AP3B1: variants seen among roughly 807,000 people sequenced by gnomAD.
AP3B1 encodes the protein AP-3 complex subunit beta-1.
A neutral mutation model predicts 132.5 loss-of-function variants in AP3B1; 61 were observed. The observed-to-expected ratio is 0.46, with a 90% confidence interval of 0.37 to 0.57. The LOEUF (loss-of-function observed/expected upper bound fraction) is 0.57. Among genes scored for constraint, AP3B1 ranks in the 20% least tolerant of loss-of-function variants. The pLI is 0.00. For synonymous variants in AP3B1, 388 were observed against 438.3 expected, an observed-to-expected ratio of 0.89 and a Z score of 1.43; for missense variants, 1,120 against 1,289.4, an observed-to-expected ratio of 0.87 and a Z score of 2.01.
At chr5:78,117,423 C>A (rs1412233880) in intron 17 of AP3B1, among the ~76,000 whole-genome samples, 2 of 151,640 alleles carry the variant, frequency 1.3e-5, no homozygotes, top group Non-Finnish European at 2.9e-5. Flanking sequence ...GATTGTCCTG[C>A]CTCATCCTCC....
chr5:78,140,464 A>G (rs1183176700), intron 15 of AP3B1, among the ~76,000 whole-genome samples: 2 of 152,196 alleles, frequency 1.3e-5, no homozygotes, highest in African/African-American at 2.4e-5. Context: ...AGGTACCCAC[A>G]GTTCTGGTGT....
At chr5:78,004,577 T>C (rs1259914899) in intron 26 of AP3B1, among the ~76,000 whole-genome samples, 1 of 152,226 alleles carries the variant, frequency 6.6e-6, no homozygotes, top group African/African-American at 2.4e-5. Flanking sequence ...TGAACTAGGT[T>C]GTCCAACAAT....
At chr5:78,119,334 G>A (rs1472214485) in intron 17 of AP3B1, among the ~76,000 whole-genome samples, 2 of 152,202 alleles carry the variant, frequency 1.3e-5, no homozygotes, top group African/African-American at 2.4e-5. Context: ...AACAAAGCTG[G>A]ACGGAGAATG....
intron 22 of AP3B1, among the ~76,000 whole-genome samples, chr5:78,084,630 A>G (rs565595570): frequency 1.3e-5 from 2 of 151,840 alleles, no homozygotes; most frequent in Admixed American, 1.3e-4. Flanking sequence ...TCATTCATAT[A>G]TGTGCTTTCC....
chr5:78,201,159 T>C (rs1745274072), intron 7 of AP3B1, among the ~76,000 whole-genome samples: 1 of 152,128 alleles, frequency 6.6e-6, no homozygotes, highest in African/African-American at 2.4e-5. Context: ...TAAATTTCTG[T>C]TGTTTAAGCC....
chr5:78,185,510 G>C (rs564382926), intron 7 of AP3B1, among the ~76,000 whole-genome samples: 1 of 152,156 alleles, frequency 6.6e-6, no homozygotes, highest in Non-Finnish European at 1.5e-5. Flanking sequence ...GACATCAGTA[G>C]ACTGTGATGG....
intron 21 of AP3B1, among the ~76,000 whole-genome samples, chr5:78,097,618 C>G (rs1345859420): frequency 1.4e-5 from 2 of 145,608 alleles, no homozygotes; most frequent in Non-Finnish European, 3.1e-5. Context: ...GGGGGTCAGC[C>G]CCCTGCCCGG....
downstream of AP3B1, chr5:78,001,421 C>CATTG (rs1321790478): frequency 2.0e-5 from 3 of 152,218 alleles, no homozygotes; most frequent in African/African-American, 7.2e-5. Context: ...GGCTTCCATA[C>CATTG]ATTGGTACAG....
At chr5:78,135,354 T>C (rs74556672) in intron 15 of AP3B1, among the ~76,000 whole-genome samples, 4,671 of 152,260 alleles carry the variant, frequency 0.031, 140 homozygotes, top group East Asian at 0.14. Flanking sequence ...GTAGAATATC[T>C]ACTTATGTAA....
At chr5:78,039,995 G>C (rs967517792) in intron 22 of AP3B1, among the ~76,000 whole-genome samples, 1 of 151,212 alleles carries the variant, frequency 6.6e-6, no homozygotes, top group African/African-American at 2.4e-5. Flanking sequence ...ATTTTCTTGG[G>C]TGTTTTAGCC....
intron 2 of AP3B1, among the ~76,000 whole-genome samples, chr5:78,242,232 C>G (rs1747167239): frequency 6.6e-6 from 1 of 152,134 alleles, no homozygotes; most frequent in Admixed American, 6.6e-5. Context: ...ATTAAAATGA[C>G]CTTACTCACT....
chr5:78,092,290 T>A (rs945632747), intron 21 of AP3B1, among the ~76,000 whole-genome samples: 3 of 152,184 alleles, frequency 2.0e-5, no homozygotes, highest in Non-Finnish European at 4.4e-5. Context: ...TGCTGTTTTT[T>A]AAAAAAGGAT....
In AP3B1 at chr5:78,208,709, CACA is replaced by C. The variant is rs1745612959; in HGVS notation, c.786+7343_786+7345del. On this transcript the variant is annotated intron_variant, in intron 7 of 26. Coordinates refer to ENST00000255194, the MANE Select transcript of AP3B1 (RefSeq NM_003664.5). ...CTGACATTGGGTAGACAAGAAGTAT[CACA>C]ACAACTGCACATAAAATAATATTTG... Among the ~76,000 whole-genome samples the C allele has an allele frequency of 3.9e-5, 6 of 152,162 alleles. No homozygotes were observed. In the South Asian group the frequency reaches 8.3e-4, roughly 21 times the overall value.
chr5:78,086,883 T>A lies in AP3B1; in HGVS notation c.2577+2510A>T, dbSNP rs78146097. On this transcript the variant is annotated intron_variant, in intron 22 of 26. Coordinates refer to ENST00000255194, the MANE Select transcript of AP3B1 (RefSeq NM_003664.5). ...TGGCAAGATTTTAACAGGCTCAATT[T>A]TCCAGGGATGCAAGTACTTTGGTGC... Among the ~76,000 whole-genome samples, 1,057 of 152,294 alleles carry A rather than the reference T, an allele frequency of 6.9e-3. 10 individuals are homozygous for A. Among genetic ancestry groups the A allele is most frequent in the African/African-American group, 0.024 (1,013 of 41,546 alleles).
chr5:78,049,233 T>A (rs1256995367), intron 22 of AP3B1, among the ~76,000 whole-genome samples: 1 of 152,180 alleles, frequency 6.6e-6, no homozygotes, highest in Non-Finnish European at 1.5e-5. Context: ...TCTGACCCTA[T>A]GTCTCCCTTG....
intron 7 of AP3B1, among the ~76,000 whole-genome samples, chr5:78,196,960 A>G (rs1038545795): frequency 3.9e-5 from 6 of 152,190 alleles, no homozygotes; most frequent in Admixed American, 2.0e-4. Context: ...ATGTTATCAT[A>G]TATCAGACAA....
At chr5:78,279,860 GGACTTAAATATATATATATAT>G (rs1748967424) in intron 1 of AP3B1, among the ~76,000 whole-genome samples, 2 of 100,146 alleles carry the variant, frequency 2.0e-5, no homozygotes, top group East Asian at 2.7e-4. Context: ...AATATATATA[GGACTTAAATATATATATATAT>G]GACTTAAATA....
intron 12 of AP3B1, among the ~76,000 whole-genome samples, chr5:78,163,307 C>T (rs1743463804): frequency 1.3e-5 from 2 of 151,952 alleles, no homozygotes; most frequent in Admixed American, 1.3e-4. Context: ...AGTTCATTTA[C>T]CAGCAGCATC....
intron 21 of AP3B1, among the ~76,000 whole-genome samples, chr5:78,097,379 A>G (rs1580342966): frequency 1.9e-5 from 2 of 104,494 alleles, no homozygotes; most frequent in Non-Finnish European, 3.9e-5. Flanking sequence ...TCCGGGAGGG[A>G]GGTAGGGGGT....
Sources: gnomAD v4.1 joint callset for allele counts (sites outside exome capture counted in the v4.1 genomes callset) on GRCh38, gnomAD v4.1.1 for gene constraint, MANE v1.5 for transcripts, NCBI Gene and HGNC (gene_info 2026-07-23, HGNC 2026-07-21) for gene names.